LRRC4C: variants seen among roughly 807,000 people sequenced by gnomAD.
The protein encoded by LRRC4C is leucine rich repeat containing 4C.
A neutral mutation model predicts 33.6 loss-of-function variants in LRRC4C; 5 were observed. That is an observed-to-expected ratio of 0.15 (90% CI 0.08 to 0.31). The LOEUF is 0.31. LRRC4C is among the 10% of genes least tolerant of loss of function. The pLI is 1.00. For synonymous variants in LRRC4C, 329 were observed against 302.0 expected, an observed-to-expected ratio of 1.09 and a Z score of -0.93; for missense variants, 560 against 796.7, an observed-to-expected ratio of 0.70 and a Z score of 3.58.
chr11:40,247,669 C>T (rs1590813086), intron 4 of LRRC4C, among the ~76,000 whole-genome samples: 2 of 151,808 alleles, frequency 1.3e-5, no homozygotes, highest in Admixed American at 6.6e-5. Flanking sequence ...TTTGTGTGTG[C>T]GTTTTTTGTT....
intron 1 of LRRC4C, among the ~76,000 whole-genome samples, chr11:41,209,680 T>C (rs1946743121): frequency 6.6e-6 from 1 of 151,636 alleles, no homozygotes; most frequent in Admixed American, 6.6e-5. Context: ...AAAAAGACTT[T>C]GGATTTGGAA....
At chr11:40,892,008 A>C (rs1003659101) in intron 2 of LRRC4C, among the ~76,000 whole-genome samples, 1 of 151,524 alleles carries the variant, frequency 6.6e-6, no homozygotes, top group Non-Finnish European at 1.5e-5. Flanking sequence ...GGTGGTGGGC[A>C]CCTGTAGTCC....
intron 2 of LRRC4C, among the ~76,000 whole-genome samples, chr11:40,851,984 G>A (rs1953527240): frequency 1.3e-5 from 2 of 151,736 alleles, no homozygotes; most frequent in South Asian, 2.1e-4. Context: ...TTGTACTTTC[G>A]TACTTTTTAA....
chr11:40,115,705 C>A lies in LRRC4C; in HGVS notation c.588G>T (p.Leu196=). The A allele has an allele frequency of 6.2e-7, 1 of 1,614,186 alleles. No homozygotes were observed. The highest frequency in any genetic ancestry group is 8.5e-7 in the Non-Finnish European group (1 of 1,180,036). The stretch of plus-strand genomic sequence containing the variant: ...CAAGGTTCAAATACCTCAAGTTGGA[C>A]AGACCTTCAAAGGCACCTTCTGAGA... ...SYISEGAFEG[L]SNLRYLNLAM... is the part of the protein sequence containing the mutation. Residue 196 remains leucine, a synonymous_variant, in exon 7 of 7, where the codon CTG becomes CTT. Transcript: ENST00000528697. This position sits in a 1 kb window ranked among gnomAD's most constrained non-coding sequence, Gnocchi z 6.7.
At chr11:40,414,403 G>A (rs61888686) in intron 3 of LRRC4C, among the ~76,000 whole-genome samples, 4,427 of 152,110 alleles carry the variant, frequency 0.029, 97 homozygotes, top group Middle Eastern at 0.078. Context: ...AGTGCTGCAG[G>A]ACCCATCAGT....
At chr11:40,541,353 C>A (rs10768606) in intron 3 of LRRC4C, among the ~76,000 whole-genome samples, 51,798 of 151,920 alleles carry the variant, frequency 0.34, 10,615 homozygotes, top group East Asian at 0.65. Context: ...GGGATCTTCT[C>A]GCCTCAGCCT....
chr11:40,329,741 T>TTC (rs1565279118), intron 3 of LRRC4C, among the ~76,000 whole-genome samples: 1 of 117,174 alleles, frequency 8.5e-6, no homozygotes, highest in Non-Finnish European at 2.0e-5. Context: ...CTTTTTCTTT[T>TTC]TTTTTTTTTT....
At chr11:40,296,271 C>T (rs1276425059) in intron 4 of LRRC4C, among the ~76,000 whole-genome samples, 2 of 152,142 alleles carry the variant, frequency 1.3e-5, no homozygotes, top group African/African-American at 4.8e-5. Flanking sequence ...ACCTTGAATT[C>T]GTCACATGGC....
At chr11:40,511,492 T>C (rs1955312775) in intron 3 of LRRC4C, among the ~76,000 whole-genome samples, 2 of 152,156 alleles carry the variant, frequency 1.3e-5, no homozygotes, top group African/African-American at 4.8e-5. Context: ...TGCTTCCAGT[T>C]TGCACTATAA....
At chr11:41,306,289 A>C (rs1950504016) in intron 1 of LRRC4C, among the ~76,000 whole-genome samples, 1 of 152,222 alleles carries the variant, frequency 6.6e-6, no homozygotes, top group African/African-American at 2.4e-5. Context: ...GCTCACAGAA[A>C]GCTAGTAGTA....
intron 3 of LRRC4C, among the ~76,000 whole-genome samples, chr11:40,584,958 A>C (rs1958650546): frequency 6.7e-6 from 1 of 148,604 alleles, no homozygotes; most frequent in Non-Finnish European, 1.5e-5. Flanking sequence ...AAAGAAAAAA[A>C]AAAAAAAAGA....
chr11:41,413,554 A>G lies in LRRC4C; in HGVS notation c.-496+45877T>C, dbSNP rs528597265. ...ACCTCAGAAGAATCTGAGTTTAGAA[A>G]TGTTTGGCAATTTAATCAATAAGCC... On this transcript the variant is annotated intron_variant, in intron 1 of 6. Transcript: ENST00000528697. Among the ~76,000 whole-genome samples, 11 of 152,318 alleles carry G rather than the reference A, an allele frequency of 7.2e-5. No homozygotes were observed. In the South Asian group the frequency reaches 2.3e-3, roughly 32 times the overall value.
intron 3 of LRRC4C, among the ~76,000 whole-genome samples, chr11:40,378,211 G>A (rs771500316): frequency 2.0e-5 from 3 of 152,018 alleles, no homozygotes; most frequent in Non-Finnish European, 4.4e-5. Flanking sequence ...ATGCAAGACA[G>A]ATGAAGAAAT....
In LRRC4C at chr11:40,125,094, T is replaced by A. The variant is rs188009581; in HGVS notation, c.-42-8760A>T. 1.5e-3 allele frequency among the ~76,000 whole-genome samples: 225 copies of A among 152,292 alleles called. 2 individuals carry two copies. The highest frequency in any genetic ancestry group is 5.6e-4 in the Non-Finnish European group (38 of 68,018). ...TGCAGATTATAGTTAGCTAAGCTCA[T>A]GTCTAAGCAAAGATTGATAGTACCA... On this transcript the variant is annotated intron_variant, in intron 6 of 6. Transcript: ENST00000528697.
At chr11:41,266,910 T>A (rs1949169014) in intron 1 of LRRC4C, among the ~76,000 whole-genome samples, 1 of 152,082 alleles carries the variant, frequency 6.6e-6, no homozygotes, top group Admixed American at 6.6e-5. Context: ...TCAAGGAGAA[T>A]TTCACCTCTT....
Position 40,910,637 on chromosome 11 carries a change from G to C in LRRC4C, c.-407+22998C>G, listed in dbSNP as rs1457941892. Among the ~76,000 whole-genome samples the C allele has an allele frequency of 2.0e-5, 3 of 152,194 alleles. No homozygotes were observed. The East Asian group carries it at 5.8e-4, about 29-fold the overall frequency. Reference sequence around the variant, plus strand: ...CCCAGCGTGAGCAACACAGAAGAATGATTTCTGCATTTCCAACTGAGGTAC... The same window carrying C: ...CCCAGCGTGAGCAACACAGAAGAATCATTTCTGCATTTCCAACTGAGGTAC... On this transcript the variant is annotated intron_variant, in intron 2 of 6. Transcript: ENST00000528697.
At chr11:41,247,859 C>T (rs559897513) in intron 1 of LRRC4C, among the ~76,000 whole-genome samples, 1 of 152,216 alleles carries the variant, frequency 6.6e-6, no homozygotes, top group Admixed American at 6.5e-5. Flanking sequence ...AAGTTCCACG[C>T]TGGCCCATTT....
At chr11:40,328,924 T>C (rs1228209721) in intron 3 of LRRC4C, among the ~76,000 whole-genome samples, 2 of 152,134 alleles carry the variant, frequency 1.3e-5, no homozygotes, top group Non-Finnish European at 2.9e-5. Flanking sequence ...ATATATTAAA[T>C]AGCTTCTTTT....
chr11:40,988,683 C>A (rs1190141125), intron 1 of LRRC4C, among the ~76,000 whole-genome samples: 1 of 150,800 alleles, frequency 6.6e-6, no homozygotes, highest in Non-Finnish European at 1.5e-5. Context: ...GTGCAAACAA[C>A]CCAGCATTTG....
Sources: gnomAD v4.1 joint callset for allele counts (sites outside exome capture counted in the v4.1 genomes callset) on GRCh38, gnomAD v4.1.1 for gene constraint, Gnocchi (gnomAD v3.1) non-coding constraint, MANE v1.5 for transcripts, NCBI Gene and HGNC (gene_info 2026-07-23, HGNC 2026-07-21) for gene names.